PUM1: variants seen among roughly 807,000 people sequenced by gnomAD.
The protein encoded by PUM1 is pumilio homolog 1.
Under a neutral mutation model 131.8 loss-of-function variants are expected in PUM1, and 13 were observed. That is an observed-to-expected ratio of 0.10 (90% CI 0.06 to 0.16). The LOEUF (loss-of-function observed/expected upper bound fraction) is 0.16. Among genes scored for constraint, PUM1 ranks in the 10% least tolerant of loss-of-function variants. The pLI, the probability that PUM1 is intolerant of heterozygous loss-of-function variation, is 1.00. For synonymous variants in PUM1, 509 were observed against 556.5 expected (o/e 0.91, Z 1.20); for missense variants, 961 against 1,512.4 (o/e 0.64, Z 6.05).
intron 2 of PUM1, among the ~76,000 whole-genome samples, chr1:31,035,114 T>C (rs1643564205): frequency 6.6e-6 from 1 of 152,322 alleles, no homozygotes; most frequent in Admixed American, 6.5e-5. Context: ...ATCCCATAAA[T>C]ACTTTATACA....
chr1:30,980,177 A>G lies in PUM1; in HGVS notation c.1253-14T>C. The G allele has an allele frequency of 6.2e-7, 1 of 1,608,674 alleles. No individual in the cohort carries two copies. The highest frequency in any genetic ancestry group is 8.5e-7 in the Non-Finnish European group (1 of 1,175,802). ...CGGGAGCTAAACCTGCTGAAAACAT[A>G]CCTGTCAGTAAAAACAAACTTGACT... On this transcript the variant is annotated splice_polypyrimidine_tract_variant and intron_variant, in intron 8 of 21. Transcript: ENST00000426105.
At chr1:31,014,945 T>C (rs556698559) in intron 3 of PUM1, among the ~76,000 whole-genome samples, 5 of 152,250 alleles carry the variant, frequency 3.3e-5, no homozygotes, top group South Asian at 2.1e-4. Context: ...CTGTGCAACA[T>C]AGTGAGACCC....
Position 30,932,164 on chromosome 1 carries a change from C to G in PUM1, c.*1047G>C, listed in dbSNP as rs1638992939. On this transcript the variant is annotated 3_prime_UTR_variant, in exon 22 of 22. Transcript: ENST00000426105. ...GAGAATATACACTGAATGCACAGGG[C>G]TGGCTAATTCTCTTTTCTTACCAAA... is the stretch of plus-strand genomic sequence containing the variant. 6.6e-6 allele frequency: 1 copy of G among 152,598 alleles called. No homozygotes were observed. The highest frequency in any genetic ancestry group is 1.5e-5 in the Non-Finnish European group (1 of 68,038). 9.5% of individuals were successfully genotyped at this position (152,598 alleles called of 1,614,324 possible). A position where few individuals can be genotyped will look rare whatever the true frequency, so the allele number is the denominator to read the frequency against.
chr1:30,954,453 G>A (rs185014651), intron 14 of PUM1, among the ~76,000 whole-genome samples: 78 of 152,248 alleles, frequency 5.1e-4, no homozygotes, highest in Admixed American at 5.1e-3. Context: ...AGATTGGTCT[G>A]TTTTATACAG....
intron 3 of PUM1, among the ~76,000 whole-genome samples, chr1:31,026,657 AG>A (rs1183426006): frequency 1.3e-5 from 2 of 152,240 alleles, no homozygotes; most frequent in African/African-American, 4.8e-5. Flanking sequence ...GGAGGAAGCC[AG>A]GGAAGAATCC....
At chr1:31,053,890 TTCG>T (rs1424219144) in intron 2 of PUM1, among the ~76,000 whole-genome samples, 4 of 150,900 alleles carry the variant, frequency 2.7e-5, no homozygotes, top group Non-Finnish European at 4.4e-5. Flanking sequence ...AGGTTAGGAG[TTCG>T]AGACTAGCCT....
At chr1:30,952,142 G>T in intron 16 of PUM1, 92 bp downstream of exon 16, 1 of 1,267,954 alleles carries the variant, frequency 7.9e-7, no homozygotes, top group Non-Finnish European at 1.1e-6. Flanking sequence ...TCTGAGGACT[G>T]GAATGGGACT....
At position 30,981,312 on chromosome 1, in the gene PUM1, C is replaced by T; in HGVS notation, c.1252G>A (p.Gly418Ser). 1.3e-6 allele frequency: 2 copies of T among 1,584,264 alleles called. No homozygotes were observed. The highest frequency in any genetic ancestry group is 1.7e-6 in the Non-Finnish European group (2 of 1,159,610). Residue 418 changes from glycine (G) to serine (S), a missense_variant and splice_region_variant, in exon 8 of 22, where the codon GGT becomes AGT. By Grantham distance (56) the Gly-to-Ser change is moderately conservative (BLOSUM62 0). Transcript: ENST00000426105. ...AAGAGCTATGGGCTTAAGGACTTAC[C>T]GATGTGCGGCTGATGAGCAGCTGCC... ...ALAAAHQPHI[G>S]LAPAAFVPNP...
chr1:31,059,821 C>T (rs539531860), intron 1 of PUM1, among the ~76,000 whole-genome samples: 52 of 152,070 alleles, frequency 3.4e-4, no homozygotes, highest in African/African-American at 1.1e-3. Context: ...ATACCTCAAA[C>T]CAACTGACAG....
chr1:31,026,030 C>T (rs1267759332), intron 3 of PUM1, among the ~76,000 whole-genome samples: 1 of 152,084 alleles, frequency 6.6e-6, no homozygotes, highest in Non-Finnish European at 1.5e-5. Context: ...AGGCAGGCGA[C>T]TGCCTGAGCT....
chr1:31,042,869 A>AT (rs1177525862), intron 2 of PUM1, among the ~76,000 whole-genome samples: 1 of 152,166 alleles, frequency 6.6e-6, no homozygotes, highest in Non-Finnish European at 1.5e-5. Context: ...GAGTCAAGCC[A>AT]TTACAGGCAT....
intron 3 of PUM1, among the ~76,000 whole-genome samples, chr1:31,013,277 C>T (rs1012020765): frequency 3.9e-5 from 6 of 152,178 alleles, no homozygotes; most frequent in African/African-American, 1.4e-4. Flanking sequence ...ACCATACCGC[C>T]ACTAATATTT....
chr1:30,975,945 G>A (rs537079442), intron 9 of PUM1, among the ~76,000 whole-genome samples: 6 of 151,840 alleles, frequency 4.0e-5, no homozygotes, highest in Admixed American at 6.6e-5. Flanking sequence ...AAAATTAGCC[G>A]GACGTGGTGG....
intron 5 of PUM1, among the ~76,000 whole-genome samples, chr1:30,999,904 T>G (rs1642143049): frequency 6.6e-6 from 1 of 152,212 alleles, no homozygotes; most frequent in African/African-American, 2.4e-5. Flanking sequence ...AATGTCCCAA[T>G]TAAGTGGTTT....
chr1:31,009,028 A>AC (rs952299647), intron 3 of PUM1, among the ~76,000 whole-genome samples: 4 of 150,348 alleles, frequency 2.7e-5, no homozygotes, highest in African/African-American at 9.8e-5. Flanking sequence ...AAAAAAAAAA[A>AC]AAAAATTGGC....
At chr1:30,967,437 C>T in intron 11 of PUM1, 127 bp from the exon 12 acceptor site, 1 of 801,858 alleles carries the variant, frequency 1.2e-6, no homozygotes, top group East Asian at 2.7e-5. Context: ...TATACTGGCT[C>T]CATCACTTAA....
intron 5 of PUM1, among the ~76,000 whole-genome samples, chr1:31,001,178 C>T (rs555747400): frequency 3.3e-5 from 5 of 150,746 alleles, no homozygotes; most frequent in African/African-American, 4.9e-5. Flanking sequence ...AGCAAGACTC[C>T]GTCTCAAAAA....
At chr1:30,942,213 A>T (rs923201027) in intron 18 of PUM1, 90 bp from the exon 19 acceptor site, 1 of 166,664 alleles carries the variant, frequency 6.0e-6, no homozygotes, top group Non-Finnish European at 1.0e-5. Flanking sequence ...ATATATATAT[A>T]TATATATATA....
intron 14 of PUM1, among the ~76,000 whole-genome samples, chr1:30,964,090 A>G (rs190824071): frequency 6.6e-6 from 1 of 152,298 alleles, no homozygotes; most frequent in East Asian, 1.9e-4. Context: ...TCTAGATGGT[A>G]ATATTTTAAA....
Sources: gnomAD v4.1 joint callset for allele counts (sites outside exome capture counted in the v4.1 genomes callset) on GRCh38, gnomAD v4.1.1 for gene constraint, MANE v1.5 for transcripts, NCBI Gene and HGNC (gene_info 2026-07-23, HGNC 2026-07-21) for gene names.